The following CACNA2D1 variants were observed in gnomAD, a reference collection of about 807,000 sequenced individuals.
CACNA2D1 encodes voltage-dependent calcium channel subunit alpha-2/delta-1.
Under a neutral mutation model 171.5 loss-of-function variants are expected in CACNA2D1, and 53 were observed. The observed-to-expected ratio is 0.31, with a 90% confidence interval of 0.25 to 0.39. CACNA2D1 has a LOEUF of 0.39. Ranked by LOEUF, CACNA2D1 falls within the 10% of genes least tolerant of loss-of-function variation. The pLI, the probability that CACNA2D1 is intolerant of heterozygous loss-of-function variation, is 1.00. For synonymous variants in CACNA2D1, 442 were observed against 443.1 expected (o/e 1.00, Z 0.03); for missense variants, 903 against 1,299.8 (o/e 0.69, Z 4.69).
At chr7:82,169,262 T>C (rs2129145652) in intron 4 of CACNA2D1, among the ~76,000 whole-genome samples, 1 of 152,116 alleles carries the variant, frequency 6.6e-6, no homozygotes, top group South Asian at 2.1e-4. Context: ...TAATCATTGA[T>C]TTTTTCCTTA....
rs79748558 is a variant in CACNA2D1 at position 81,970,137 on chromosome 7, C to T, written c.2205-153G>A. 0.01 allele frequency among the ~76,000 whole-genome samples: 1,519 copies of T among 151,506 alleles called. 22 individuals are homozygous for T. Among genetic ancestry groups the T allele is most frequent in the African/African-American group, 0.034 (1,418 of 41,472 alleles). ...TTGATAGCATAACTGATACTCATTA[C>T]TGAGCAATGCATCAGCATAGCACTA... On this transcript the variant is annotated intron_variant, in intron 27 of 38. Transcript: ENST00000356860.
intron 7 of CACNA2D1, among the ~76,000 whole-genome samples, chr7:82,075,954 A>G (rs1351116545): frequency 1.3e-5 from 2 of 152,142 alleles, no homozygotes; most frequent in African/African-American, 4.8e-5. Flanking sequence ...TTATTTACAT[A>G]TTTTGCATAT....
At chr7:82,049,194 A>G (rs993246832) in intron 10 of CACNA2D1, among the ~76,000 whole-genome samples, 7 of 151,654 alleles carry the variant, frequency 4.6e-5, no homozygotes, top group Admixed American at 1.3e-4. Flanking sequence ...TAACAACTAA[A>G]TTTGTCCTTT....
intron 3 of CACNA2D1, among the ~76,000 whole-genome samples, chr7:82,237,309 T>TA (rs1484719088): frequency 6.6e-6 from 1 of 151,968 alleles, no homozygotes; most frequent in Non-Finnish European, 1.5e-5. Flanking sequence ...AAAGACAGTC[T>TA]AATAACTAAA....
At chr7:81,988,329 A>G (rs979397947) in intron 21 of CACNA2D1, among the ~76,000 whole-genome samples, 1 of 152,204 alleles carries the variant, frequency 6.6e-6, no homozygotes, top group East Asian at 1.9e-4. Context: ...GTGTATACAC[A>G]TAAAGATTGT....
chr7:81,979,615 C>G (rs1365249752), intron 24 of CACNA2D1, among the ~76,000 whole-genome samples: 4 of 152,090 alleles, frequency 2.6e-5, no homozygotes, highest in Non-Finnish European at 5.9e-5. Flanking sequence ...AAATTGTTTG[C>G]TATGTTAATA....
Position 82,005,835 on chromosome 7 carries a change from TG to T in CACNA2D1, c.1444del (p.Gln482SerfsTer2). 1 of 1,600,130 alleles carries T rather than the reference TG, an allele frequency of 6.2e-7. No homozygotes were observed. The highest frequency in any genetic ancestry group is 8.6e-7 in the Non-Finnish European group (1 of 1,167,536). ...QFENKTNLKN[Q>X]LILGVMGVDV... ...TACTCCCATCACACCAAGAATCAGCTGGTTCTATAATAAGAGGGCAAAAAAT... is the reference window on the plus strand; with the variant it reads ...TACTCCCATCACACCAAGAATCAGCTGTTCTATAATAAGAGGGCAAAAAAT... On this transcript the variant is annotated frameshift_variant, in exon 17 of 39. Coordinates refer to ENST00000356860, the MANE Select transcript of CACNA2D1 (RefSeq NM_000722.4). LOFTEE classifies it high-confidence loss of function.
At chr7:82,202,039 C>T (rs558109378) in intron 3 of CACNA2D1, among the ~76,000 whole-genome samples, 1 of 152,180 alleles carries the variant, frequency 6.6e-6, no homozygotes, top group Non-Finnish European at 1.5e-5. Flanking sequence ...GACATCTGAT[C>T]CAGCAAGACA....
intron 24 of CACNA2D1, among the ~76,000 whole-genome samples, chr7:81,975,080 A>G (rs1312797306): frequency 6.6e-6 from 1 of 152,112 alleles, no homozygotes; most frequent in East Asian, 1.9e-4. Context: ...CTGAGTGGAC[A>G]TAAAGCTAGT....
chr7:82,315,597 A>T (rs183671678), intron 3 of CACNA2D1, among the ~76,000 whole-genome samples: 1 of 152,274 alleles, frequency 6.6e-6, no homozygotes, highest in African/African-American at 2.4e-5. Context: ...GTTGCAAATA[A>T]AAAGAAAGGT....
chr7:82,282,616 CTAG>C (rs1319313652), intron 3 of CACNA2D1, among the ~76,000 whole-genome samples: 1 of 150,666 alleles, frequency 6.6e-6, no homozygotes, highest in Non-Finnish European at 1.5e-5. Context: ...ATATTTATAA[CTAG>C]TTCATATACT....
At chr7:82,010,615 T>C (rs1246306967) in intron 15 of CACNA2D1, among the ~76,000 whole-genome samples, 2 of 152,180 alleles carry the variant, frequency 1.3e-5, no homozygotes, top group African/African-American at 2.4e-5. Context: ...TGGATCACTA[T>C]GTGACCTTAA....
At chr7:82,114,233 G>C (rs1418750522) in intron 6 of CACNA2D1, among the ~76,000 whole-genome samples, 1 of 152,116 alleles carries the variant, frequency 6.6e-6, no homozygotes, top group Non-Finnish European at 1.5e-5. Context: ...TTGTGAGTCA[G>C]ATTTCATATT....
rs1811819381 is a variant in CACNA2D1 at position 82,096,001 on chromosome 7, C to T, written c.527-11101G>A. Among the ~76,000 whole-genome samples the T allele has an allele frequency of 3.3e-5, 5 of 152,212 alleles. No homozygotes were observed. In the South Asian group the frequency reaches 1.0e-3, roughly 32 times the overall value. Reference sequence around the variant, plus strand: ...TAAGTCAGTGAATATCACTATGAAGCTTCTTGTTAAGTATTTCCCAATGTA... The same window carrying T: ...TAAGTCAGTGAATATCACTATGAAGTTTCTTGTTAAGTATTTCCCAATGTA... On this transcript the variant is annotated intron_variant, in intron 6 of 38. Transcript: ENST00000356860.
intron 10 of CACNA2D1, among the ~76,000 whole-genome samples, chr7:82,047,233 T>C (rs1804660573): frequency 6.6e-6 from 1 of 152,194 alleles, no homozygotes; most frequent in African/African-American, 2.4e-5. Context: ...AAATGTTTTT[T>C]GCATAGCCCT....
intron 31 of CACNA2D1, among the ~76,000 whole-genome samples, chr7:81,966,897 G>A (rs961011459): frequency 6.6e-6 from 1 of 151,364 alleles, no homozygotes; most frequent in Non-Finnish European, 1.5e-5. Flanking sequence ...ATGTACAAAA[G>A]AATGTAACAC....
chr7:82,267,437 A>C (rs1288712365), intron 3 of CACNA2D1, among the ~76,000 whole-genome samples: 1 of 152,190 alleles, frequency 6.6e-6, no homozygotes, highest in East Asian at 1.9e-4. Flanking sequence ...AAAGAAATTC[A>C]AATCAGGAAA....
chr7:82,087,275 G>C (rs191804169), intron 6 of CACNA2D1, among the ~76,000 whole-genome samples: 8 of 152,214 alleles, frequency 5.3e-5, no homozygotes, highest in Non-Finnish European at 1.0e-4. Flanking sequence ...TTTTATGGAT[G>C]TCTAGAAATC....
chr7:82,334,577 G>T (rs74647265), intron 3 of CACNA2D1, among the ~76,000 whole-genome samples: 10 of 152,074 alleles, frequency 6.6e-5, no homozygotes, highest in African/African-American at 2.4e-4. Context: ...AGTAGCTGAA[G>T]ATTACATACA....
Sources: gnomAD v4.1 joint callset for allele counts (sites outside exome capture counted in the v4.1 genomes callset) on GRCh38, gnomAD v4.1.1 for gene constraint, MANE v1.5 for transcripts, NCBI Gene and HGNC (gene_info 2026-07-23, HGNC 2026-07-21) for gene names.